Variants in EBPL observed in about 807,000 individuals in gnomAD.
EBPL encodes the protein EBP like.
A neutral mutation model predicts 19.0 loss-of-function variants in EBPL; 20 were observed. The ratio of observed to expected loss-of-function variants is 1.05; its 90% CI spans 0.74 to 1.53. The LOEUF (loss-of-function observed/expected upper bound fraction) is 1.53. Ranked by LOEUF, EBPL falls within the 40% of genes most tolerant of loss-of-function variation. The probability of loss-of-function intolerance (pLI) is 0.00; values close to 1 mark genes in which losing one functional copy is unlikely to be tolerated. For synonymous variants in EBPL, 107 were observed against 117.0 expected (o/e 0.91, Z 0.55); for missense variants, 219 against 261.1 (o/e 0.84, Z 1.11).
At chr13:49,687,452 A>T (rs889372505) in intron 1 of EBPL, among the ~76,000 whole-genome samples, 4 of 152,166 alleles carry the variant, frequency 2.6e-5, no homozygotes, top group African/African-American at 9.7e-5. Flanking sequence ...ATTCTCCATG[A>T]ATATCTCACA....
rs147274541 is a variant in EBPL at position 49,678,036 on chromosome 13, G to A, written c.172-8190C>T. On this transcript the variant is annotated intron_variant, in intron 1 of 3. Coordinates refer to ENST00000242827, the MANE Select transcript of EBPL (RefSeq NM_032565.5). Reference sequence around the variant, plus strand: ...CACAGCGTGGAAGGGGACCCAAGCCGGTTGCCGGGGCTGGCTTGGGCAGCC... The same window carrying A: ...CACAGCGTGGAAGGGGACCCAAGCCAGTTGCCGGGGCTGGCTTGGGCAGCC... Among the ~76,000 whole-genome samples the A allele has an allele frequency of 5.8e-4, 88 of 152,228 alleles. 1 individual carries two copies. The East Asian group carries it at 0.014, about 25-fold the overall frequency.
At chr13:49,687,975 C>T (rs1484464208) in intron 1 of EBPL, among the ~76,000 whole-genome samples, 2 of 152,220 alleles carry the variant, frequency 1.3e-5, no homozygotes, top group African/African-American at 4.8e-5. Context: ...TGTCACCTTT[C>T]CAGCTGGTCC....
At chr13:49,682,075 G>A (rs1162228388) in intron 1 of EBPL, among the ~76,000 whole-genome samples, 1 of 152,162 alleles carries the variant, frequency 6.6e-6, no homozygotes, top group Non-Finnish European at 1.5e-5. Context: ...TGGTGACAAG[G>A]CTTTAATGAC....
rs181079016 is a variant in EBPL at position 49,665,149 on chromosome 13, T to C, written c.242-1954A>G. On this transcript the variant is annotated intron_variant, in intron 2 of 3. Coordinates refer to ENST00000242827, the MANE Select transcript of EBPL (RefSeq NM_032565.5). The stretch of plus-strand genomic sequence containing the variant: ...TTTTTTTGAGAAGGAGTCTCACTGT[T>C]ACCCAGCCTGGAGTGCAATGGCATG... 2.5e-3 allele frequency among the ~76,000 whole-genome samples: 371 copies of C among 150,618 alleles called. 1 individual carries two copies. The highest frequency in any genetic ancestry group is 6.8e-3 in the Middle Eastern group (2 of 292).
At chr13:49,681,392 G>T (rs1246402010) in intron 1 of EBPL, among the ~76,000 whole-genome samples, 2 of 152,172 alleles carry the variant, frequency 1.3e-5, no homozygotes, top group Non-Finnish European at 2.9e-5. Context: ...CCAGGTTCAA[G>T]CAATTCTTCT....
At position 49,686,447 on chromosome 13, in the gene EBPL, T is replaced by C. The variant is rs12583804; in HGVS notation, c.171+4807A>G. ...CCTCCCATCAATCCCACTCTCACCA[T>C]TGACTTCCTGGTTGCCAGGTGCCTC... On this transcript the variant is annotated intron_variant, in intron 1 of 3. Transcript: ENST00000242827. 0.018 allele frequency: 23,277 copies of C among 1,281,126 alleles called. 269 individuals carry two copies. Among genetic ancestry groups the C allele is most frequent in the South Asian group, 0.026 (2,080 of 79,620 alleles). The allele number at this position is 1,281,126 out of a possible 1,614,324, so 79.4% of individuals were successfully genotyped here. A position where few individuals can be genotyped will look rare whatever the true frequency, so the allele number is the denominator to read the frequency against.
At chr13:49,681,070 A>T (rs1210833217) in intron 1 of EBPL, among the ~76,000 whole-genome samples, 1 of 152,094 alleles carries the variant, frequency 6.6e-6, no homozygotes, top group African/African-American at 2.4e-5. Context: ...TCTATTATTA[A>T]CCCAGAGGGT....
At position 49,670,013 on chromosome 13, in the gene EBPL, C is replaced by A. The variant is rs2137491016; in HGVS notation, c.172-167G>T. ...AACCTTGTGGGATACAATCTTGGGACCTGGTTACCTGGACCTTGGAAATGG... is the reference window on the plus strand; with the variant it reads ...AACCTTGTGGGATACAATCTTGGGAACTGGTTACCTGGACCTTGGAAATGG... On this transcript the variant is annotated intron_variant, in intron 1 of 3. Coordinates refer to ENST00000242827, the MANE Select transcript of EBPL (RefSeq NM_032565.5). Among the ~76,000 whole-genome samples the A allele has an allele frequency of 1.3e-5, 2 of 152,224 alleles. 1 individual carries two copies. Among genetic ancestry groups the A allele is most frequent in the South Asian group, 4.1e-4 (2 of 4,824 alleles).
chr13:49,670,078 A>G (rs149787741), intron 1 of EBPL, among the ~76,000 whole-genome samples: 36 of 152,332 alleles, frequency 2.4e-4, no homozygotes, highest in African/African-American at 6.3e-4. Flanking sequence ...TTGTTTTTCA[A>G]TGATTGGCAC....
intron 2 of EBPL, chr13:49,668,447 G>A (rs529779781): frequency 6.0e-4 from 138 of 230,340 alleles, no homozygotes; most frequent in African/African-American, 3.1e-3. Flanking sequence ...GGTGGCGGGC[G>A]CCTGTAGTCC....
chr13:49,671,784 C>T (rs1953819171), intron 1 of EBPL, among the ~76,000 whole-genome samples: 1 of 152,204 alleles, frequency 6.6e-6, no homozygotes, highest in Non-Finnish European at 1.5e-5. Context: ...CACTGGCGAC[C>T]TCTTTCACTG....
intron 1 of EBPL, among the ~76,000 whole-genome samples, chr13:49,677,379 G>A (rs1953887783): frequency 6.6e-6 from 1 of 152,168 alleles, no homozygotes; most frequent in South Asian, 2.1e-4. Flanking sequence ...AAAAGGAGGT[G>A]AGCCTGCCAA....
intron 3 of EBPL, chr13:49,661,710 T>C: frequency 7.1e-6 from 7 of 980,628 alleles, no homozygotes; most frequent in Non-Finnish European, 8.5e-6. Flanking sequence ...GTAGTAAGTT[T>C]GCAACCAGCG....
intron 1 of EBPL, among the ~76,000 whole-genome samples, chr13:49,678,795 C>T (rs994671966): frequency 6.6e-6 from 1 of 151,964 alleles, no homozygotes; most frequent in Non-Finnish European, 1.5e-5. Context: ...GAGGAGGCAC[C>T]GAGAGCGAGT....
chr13:49,671,709 T>A (rs1455536884), intron 1 of EBPL, among the ~76,000 whole-genome samples: 1 of 152,176 alleles, frequency 6.6e-6, no homozygotes, highest in Non-Finnish European at 1.5e-5. Context: ...AGGCCATCTA[T>A]CTGTAAGATG....
intron 1 of EBPL, among the ~76,000 whole-genome samples, chr13:49,670,670 G>A (rs1188086910): frequency 6.6e-6 from 1 of 152,136 alleles, no homozygotes; most frequent in Non-Finnish European, 1.5e-5. Flanking sequence ...ACTACTAGCA[G>A]GAAAAGCTAT....
chr13:49,680,086 C>G (rs1953925695), intron 1 of EBPL, among the ~76,000 whole-genome samples: 1 of 152,044 alleles, frequency 6.6e-6, no homozygotes, highest in Admixed American at 6.6e-5. Flanking sequence ...AGCAGAGGGC[C>G]AGGTTGGTGG....
chr13:49,687,786 C>T (rs1427741314), intron 1 of EBPL, among the ~76,000 whole-genome samples: 1 of 152,140 alleles, frequency 6.6e-6, no homozygotes, highest in East Asian at 1.9e-4. Flanking sequence ...GGGGTTTGGG[C>T]CTTGGGGAAT....
At chr13:49,668,863 T>C (rs1246469818) in intron 2 of EBPL, among the ~76,000 whole-genome samples, 2 of 151,424 alleles carry the variant, frequency 1.3e-5, no homozygotes, top group African/African-American at 4.8e-5. Context: ...AGCTCTTCCA[T>C]CTGCACTCAC....
Sources: gnomAD v4.1 joint callset for allele counts (sites outside exome capture counted in the v4.1 genomes callset) on GRCh38, gnomAD v4.1.1 for gene constraint, MANE v1.5 for transcripts, NCBI Gene and HGNC (gene_info 2026-07-23, HGNC 2026-07-21) for gene names.